PTPRM: variants seen among roughly 807,000 people sequenced by gnomAD.
PTPRM encodes protein tyrosine phosphatase receptor type M, also known as receptor-type tyrosine-protein phosphatase mu.
PTPRM carries 47 observed loss-of-function variants against 186.7 expected under a neutral mutation model. That is an observed-to-expected ratio of 0.25 (90% CI 0.20 to 0.32). The LOEUF (loss-of-function observed/expected upper bound fraction) is 0.32, where lower values mean the gene tolerates loss of function less well. Among genes scored for constraint, PTPRM ranks in the 10% least tolerant of loss-of-function variants. The probability of loss-of-function intolerance (pLI) is 1.00; values close to 1 mark genes in which losing one functional copy is unlikely to be tolerated. For synonymous variants in PTPRM, 668 were observed against 674.9 expected (o/e 0.99, Z 0.16); for missense variants, 1,494 against 1,865.0 (o/e 0.80, Z 3.66).
At chr18:8,266,164 G>T (rs538511831) in intron 19 of PTPRM, among the ~76,000 whole-genome samples, 1 of 152,054 alleles carries the variant, frequency 6.6e-6, no homozygotes, top group Non-Finnish European at 1.5e-5. Flanking sequence ...TGGGAAGTCT[G>T]CATTGAGATG....
intron 13 of PTPRM, among the ~76,000 whole-genome samples, chr18:8,121,283 AGAT>A (rs1210674581): frequency 6.6e-6 from 1 of 152,208 alleles, no homozygotes; most frequent in Non-Finnish European, 1.5e-5. Flanking sequence ...TGCAGATGGT[AGAT>A]GATCTATTTT....
At chr18:7,851,533 AG>A (rs1270231410) in intron 2 of PTPRM, among the ~76,000 whole-genome samples, 4 of 152,220 alleles carry the variant, frequency 2.6e-5, no homozygotes, top group Non-Finnish European at 5.9e-5. Context: ...GCTACAAGAC[AG>A]TGGATTGACA....
Position 8,225,175 on chromosome 18 carries a change from A to T in PTPRM, c.2301-18883A>T, listed in dbSNP as rs559539392. On this transcript the variant is annotated intron_variant, in intron 14 of 32. Transcript: ENST00000580170. ...GCTAGGTTACTGTGAAATGCAGTTC[A>T]TATAGGAAACTCAAGATAAATGTCT... 2.0e-5 allele frequency among the ~76,000 whole-genome samples: 3 copies of T among 152,332 alleles called. No individual in the cohort carries two copies. In the East Asian group the frequency reaches 5.8e-4, roughly 29 times the overall value.
At chr18:8,281,148 G>A (rs548244342) in intron 19 of PTPRM, among the ~76,000 whole-genome samples, 6 of 152,310 alleles carry the variant, frequency 3.9e-5, no homozygotes, top group African/African-American at 4.8e-5. Flanking sequence ...GGAACGCAGC[G>A]GGCGTAGAAG....
At chr18:7,893,380 A>T (rs1398888744) in intron 3 of PTPRM, among the ~76,000 whole-genome samples, 1 of 152,192 alleles carries the variant, frequency 6.6e-6, no homozygotes, top group Non-Finnish European at 1.5e-5. Flanking sequence ...TGAATCTTAG[A>T]TTTATCAGTC....
intron 3 of PTPRM, among the ~76,000 whole-genome samples, chr18:7,903,551 T>TTA (rs1437690965): frequency 6.6e-6 from 1 of 152,224 alleles, no homozygotes; most frequent in Non-Finnish European, 1.5e-5. Flanking sequence ...AGTTGTCTTC[T>TTA]TATAGACTTT....
At chr18:7,867,066 C>T (rs1043030582) in intron 2 of PTPRM, among the ~76,000 whole-genome samples, 1 of 152,106 alleles carries the variant, frequency 6.6e-6, no homozygotes. Context: ...ATTCCTCCAT[C>T]CCTTTATTTT....
At chr18:8,133,141 C>T (rs1218097286) in intron 13 of PTPRM, among the ~76,000 whole-genome samples, 1 of 152,050 alleles carries the variant, frequency 6.6e-6, no homozygotes, top group African/African-American at 2.4e-5. Flanking sequence ...GACATTAATC[C>T]ATTCATGAGA....
At chr18:8,296,017 A>G (rs1464569450) in intron 19 of PTPRM, among the ~76,000 whole-genome samples, 1 of 152,208 alleles carries the variant, frequency 6.6e-6, no homozygotes, top group Non-Finnish European at 1.5e-5. Flanking sequence ...TTGAAAAATG[A>G]CAATATAATT....
chr18:8,006,943 A>G (rs967156522), intron 7 of PTPRM, among the ~76,000 whole-genome samples: 2 of 152,250 alleles, frequency 1.3e-5, no homozygotes, highest in Non-Finnish European at 2.9e-5. Context: ...TTTGTTCTCA[A>G]TATTCCTAAG....
rs560214379 is a variant in PTPRM at position 7,797,041 on chromosome 18, C to T, written c.196+22770C>T. Among the ~76,000 whole-genome samples the T allele has an allele frequency of 8.5e-5, 13 of 152,330 alleles. No individual in the cohort carries two copies. In the East Asian group the frequency reaches 1.9e-3, roughly 23 times the overall value. On this transcript the variant is annotated intron_variant, in intron 2 of 32. Coordinates refer to ENST00000580170, the MANE Select transcript of PTPRM (RefSeq NM_001105244.2). ...TAGAGGTCAGTGCTTCATGATGCCA[C>T]GTGTCCATGACAGACTCAGCTCCAC... is the stretch of plus-strand genomic sequence containing the variant.
intron 1 of PTPRM, among the ~76,000 whole-genome samples, chr18:7,710,185 A>C (rs1335698142): frequency 6.6e-6 from 1 of 152,210 alleles, no homozygotes; most frequent in Non-Finnish European, 1.5e-5. Context: ...GCGTATCAAA[A>C]AGATAATACA....
chr18:8,215,264 A>G (rs2094064545), intron 14 of PTPRM, among the ~76,000 whole-genome samples: 1 of 152,100 alleles, frequency 6.6e-6, no homozygotes, highest in African/African-American at 2.4e-5. Flanking sequence ...GTATAAACAT[A>G]TTTTAAAATA....
At position 8,249,274 on chromosome 18, in the gene PTPRM, G is replaced by A. The variant is rs559357858; in HGVS notation, c.2554+1098G>A. ...AGGTAATTTTTATTTTCCTAATGGTGTTCTGTGGGCTTAAGCAAGTTTGTT... is the reference window on the plus strand; with the variant it reads ...AGGTAATTTTTATTTTCCTAATGGTATTCTGTGGGCTTAAGCAAGTTTGTT... On this transcript the variant is annotated intron_variant, in intron 17 of 32. Coordinates refer to ENST00000580170, the MANE Select transcript of PTPRM (RefSeq NM_001105244.2). Among the ~76,000 whole-genome samples, 7 of 152,086 alleles carry A rather than the reference G, an allele frequency of 4.6e-5. No individual in the cohort carries two copies. In the East Asian group the frequency reaches 1.3e-3, roughly 29 times the overall value.
chr18:7,837,299 A>C (rs1352780359), intron 2 of PTPRM, among the ~76,000 whole-genome samples: 1 of 152,092 alleles, frequency 6.6e-6, no homozygotes, highest in Non-Finnish European at 1.5e-5. Flanking sequence ...CTATCAAATG[A>C]CTCATACATT....
Position 7,888,106 on chromosome 18 carries a change from G to T in PTPRM, c.197G>T (p.Gly66Val). 1 of 1,614,094 alleles carries T rather than the reference G, an allele frequency of 6.2e-7. No homozygotes were observed. The highest frequency in any genetic ancestry group is 8.5e-7 in the Non-Finnish European group (1 of 1,179,986). Residue 66 changes from glycine (G) to valine (V), a missense_variant and splice_region_variant, in exon 3 of 33, where the codon GGT becomes GTT. Gly to Val is a moderately radical substitution (Grantham distance 109, BLOSUM62 -3). This residue lies in a region of PTPRM where 296 missense variants were observed against 345.5 expected (regional missense o/e 0.86). Coordinates refer to ENST00000580170, the MANE Select transcript of PTPRM (RefSeq NM_001105244.2). The part of the protein sequence containing the change: ...KPTSDPWMPS[G>V]SFMLVNASGR... ...ACTCTCCTTGATTTTGTTTTTGCAG[G>T]TTCTTTCATGCTGGTGAATGCCTCT...
At chr18:7,693,688 C>G (rs1382741901) in intron 1 of PTPRM, among the ~76,000 whole-genome samples, 1 of 152,106 alleles carries the variant, frequency 6.6e-6, no homozygotes, top group Admixed American at 6.5e-5. Flanking sequence ...ATGAAGAACT[C>G]TCCTACAAAG....
At chr18:8,390,464 A>G (rs2095803774) in intron 31 of PTPRM, among the ~76,000 whole-genome samples, 2 of 152,260 alleles carry the variant, frequency 1.3e-5, no homozygotes. Context: ...AAAGATGGCA[A>G]TAAGAGGGTG....
At chr18:8,050,253 G>A (rs1568251580) in intron 7 of PTPRM, among the ~76,000 whole-genome samples, 1 of 152,174 alleles carries the variant, frequency 6.6e-6, no homozygotes, top group Admixed American at 6.5e-5. Flanking sequence ...CTCTTTGATA[G>A]TTGTGACGTA....
Sources: allele counts gnomAD v4.1 joint callset (sites outside exome capture counted in the v4.1 genomes callset), GRCh38; gene constraint gnomAD v4.1.1; regional missense constraint gnomAD v4.1.1; transcripts MANE v1.5; gene names NCBI Gene and HGNC (gene_info 2026-07-23, HGNC 2026-07-21).